COL22A1: variants seen among roughly 807,000 people sequenced by gnomAD.
COL22A1 encodes collagen alpha-1(XXII) chain.
COL22A1 carries 221 observed loss-of-function variants against 248.9 expected under a neutral mutation model. The observed-to-expected ratio is 0.89, with a 90% CI of 0.80 to 0.99. COL22A1 has a LOEUF of 0.99. Among genes scored for constraint, COL22A1 ranks in the 50% least tolerant of loss-of-function variants. The pLI, the probability that COL22A1 is intolerant of heterozygous loss-of-function variation, is 0.00. For missense variants in COL22A1, 2,240 were observed against 2,179.0 expected, an observed-to-expected ratio of 1.03 and a Z score of -0.56; for synonymous variants, 891 against 793.4, an observed-to-expected ratio of 1.12 and a Z score of -2.07.
intron 3 of COL22A1, among the ~76,000 whole-genome samples, chr8:138,873,693 C>T (rs572100034): frequency 7.9e-5 from 12 of 152,192 alleles, no homozygotes; most frequent in Non-Finnish European, 1.2e-4. Context: ...TTCACTACTG[C>T]GTCATGGGCA....
intron 1 of COL22A1, among the ~76,000 whole-genome samples, chr8:138,883,676 G>T (rs1230954738): frequency 6.6e-6 from 1 of 152,262 alleles, no homozygotes; most frequent in South Asian, 2.1e-4. Context: ...GTTCTCAGGA[G>T]ATCTGCTACT....
At position 138,755,463 on chromosome 8, in the gene COL22A1, A is replaced by C; in HGVS notation, c.1977+19T>G. On this transcript the variant is annotated intron_variant, in intron 20 of 64. Transcript: ENST00000303045. ...TGTGACCTAAATCCCCATGAGAAGA[A>C]GACGCGTGTGCCTCTTACCTGTTCC... The C allele has an allele frequency of 6.2e-7, 1 of 1,612,044 alleles. No individual in the cohort carries two copies. Among genetic ancestry groups the C allele is most frequent in the South Asian group, 1.1e-5 (1 of 91,046 alleles).
rs535442790 is a variant in COL22A1 at position 138,604,841 on chromosome 8, A to G, written c.4105-72T>C. The G allele has an allele frequency of 3.2e-6, 4 of 1,260,360 alleles. No homozygotes were observed. The South Asian group carries it at 5.0e-5, about 16-fold the overall frequency. The allele number at this position is 1,260,360 out of a possible 1,614,324, so 78.1% of individuals were successfully genotyped here. On this transcript the variant is annotated intron_variant, in intron 58 of 64. Transcript: ENST00000303045. ...TGTCAGTACTAAGACTGTCTTTAAAACTGACATTTCCACTCAAGTCATGTT... is the reference window on the plus strand; with the variant it reads ...TGTCAGTACTAAGACTGTCTTTAAAGCTGACATTTCCACTCAAGTCATGTT...
At chr8:138,775,140 C>G (rs1221881412) in intron 16 of COL22A1, among the ~76,000 whole-genome samples, 1 of 152,250 alleles carries the variant, frequency 6.6e-6, no homozygotes, top group Non-Finnish European at 1.5e-5. Context: ...CAAAGCATCT[C>G]AGACATGGGT....
chr8:138,732,839 C>A (rs1830810704), intron 23 of COL22A1, among the ~76,000 whole-genome samples: 1 of 152,118 alleles, frequency 6.6e-6, no homozygotes, highest in South Asian at 2.1e-4. Context: ...ACTAATTAAC[C>A]TAATTATCAT....
chr8:138,604,799 C>G, intron 58 of COL22A1, 30 bp from the exon 59 acceptor site: 1 of 1,583,604 alleles, frequency 6.3e-7, no homozygotes. Context: ...ATCAGTGGCT[C>G]TGCAGCATCA....
At chr8:138,648,191 C>T (rs1013136597) in intron 46 of COL22A1, among the ~76,000 whole-genome samples, 32 of 152,228 alleles carry the variant, frequency 2.1e-4, no homozygotes, top group African/African-American at 7.2e-4. Flanking sequence ...GCACTGGCCC[C>T]TGTTCCTTCC....
intron 4 of COL22A1, among the ~76,000 whole-genome samples, chr8:138,836,727 G>T (rs1343417556): frequency 6.6e-6 from 1 of 152,212 alleles, no homozygotes; most frequent in African/African-American, 2.4e-5. Flanking sequence ...ACCAAAAACT[G>T]TTGATCATAT....
At chr8:138,771,073 C>T (rs930766223) in intron 16 of COL22A1, among the ~76,000 whole-genome samples, 2 of 152,228 alleles carry the variant, frequency 1.3e-5, no homozygotes, top group Non-Finnish European at 2.9e-5. Flanking sequence ...GCTCGCAGAG[C>T]CCCGAGCTGG....
In COL22A1 at chr8:138,780,955, G is replaced by C. The variant is rs1240524670; in HGVS notation, c.1622C>G (p.Pro541Arg). The C allele has an allele frequency of 6.2e-7, 1 of 1,610,744 alleles. No individual in the cohort carries two copies. The highest frequency in any genetic ancestry group is 8.5e-7 in the Non-Finnish European group (1 of 1,178,438). ...EKGSLGLPGP[P>R]GRDGSKGMRG... ...CATGCCTTTGCTGCCGTCTCTCCCA[G>C]GGGGGCCGGGCAGGCCCAGGGAACC... The change falls in exon 13 of 65, where the codon CCT (proline) becomes CGT (arginine). Residue 541 changes from proline (P) to arginine (R), a missense_variant. Coordinates refer to ENST00000303045, the MANE Select transcript of COL22A1 (RefSeq NM_152888.3).
chr8:138,860,464 T>C (rs1460456007), intron 3 of COL22A1, among the ~76,000 whole-genome samples: 2 of 152,178 alleles, frequency 1.3e-5, no homozygotes, highest in East Asian at 3.9e-4. Context: ...TCTCAAGCTT[T>C]ATTTAAATTT....
Position 138,613,868 on chromosome 8 carries a change from G to C in COL22A1, c.3977C>G (p.Pro1326Arg), listed in dbSNP as rs202129460. Residue 1326 changes from proline (P) to arginine (R), a missense_variant and splice_region_variant, in exon 56 of 65, where the codon CCG (proline) becomes CGG (arginine). Pro to Arg is a moderately radical substitution (Grantham distance 103). Coordinates refer to ENST00000303045, the MANE Select transcript of COL22A1 (RefSeq NM_152888.3). The stretch of plus-strand genomic sequence containing the variant: ...CATTAGTCGCAAAGCAAAACTCACC[G>C]GTGGGCCCCTTGGTCCTTGGGGACC... ...PQGPQGPRGPPGKNGSPGSPG... is the reference protein window; with the variant it reads ...PQGPQGPRGPRGKNGSPGSPG... 6.2e-7 allele frequency: 1 copy of C among 1,613,522 alleles called. No homozygotes were observed. The highest frequency in any genetic ancestry group is 1.3e-5 in the African/African-American group (1 of 74,908).
intron 3 of COL22A1, among the ~76,000 whole-genome samples, chr8:138,859,138 A>G (rs1822256080): frequency 6.6e-6 from 1 of 152,188 alleles, no homozygotes; most frequent in African/African-American, 2.4e-5. Context: ...AAACAAGACA[A>G]GGTGTGATTT....
At chr8:138,897,544 T>C (rs1288029863) in intron 1 of COL22A1, among the ~76,000 whole-genome samples, 2 of 103,766 alleles carry the variant, frequency 1.9e-5, no homozygotes, top group East Asian at 6.7e-4. Context: ...CGAGACTCTG[T>C]CTCAAAGTAA....
intron 39 of COL22A1, among the ~76,000 whole-genome samples, chr8:138,680,691 G>A (rs868732240): frequency 6.6e-6 from 1 of 152,122 alleles, no homozygotes; most frequent in African/African-American, 2.4e-5. Flanking sequence ...CCTCTCCCTA[G>A]CTTCCCCTGC....
Position 138,813,026 on chromosome 8 carries a change from A to C in COL22A1, c.1246-7T>G, listed in dbSNP as rs373961690. On this transcript the variant is annotated splice_polypyrimidine_tract_variant and splice_region_variant and intron_variant, in intron 7 of 64. Coordinates refer to ENST00000303045, the MANE Select transcript of COL22A1 (RefSeq NM_152888.3). ...CAATCCGCTGTAGGTCAAACTGGAA[A>C]GGAAAGCAAGGAGAGAGGATAAGTT... 1.2e-6 allele frequency: 2 copies of C among 1,611,650 alleles called. No homozygotes were observed. The highest frequency in any genetic ancestry group is 1.1e-5 in the South Asian group (1 of 91,026).
intron 30 of COL22A1, among the ~76,000 whole-genome samples, chr8:138,709,808 T>C (rs1223889267): frequency 6.6e-6 from 1 of 152,170 alleles, no homozygotes; most frequent in East Asian, 1.9e-4. Flanking sequence ...TAAAGTTATT[T>C]CTTATCCATC....
At chr8:138,888,217 T>TC (rs1824808832) in intron 1 of COL22A1, among the ~76,000 whole-genome samples, 1 of 152,100 alleles carries the variant, frequency 6.6e-6, no homozygotes, top group African/African-American at 2.4e-5. Context: ...AATGACCCTG[T>TC]GACACAGGTA....
chr8:138,844,568 G>A (rs1821100559), intron 3 of COL22A1, among the ~76,000 whole-genome samples: 1 of 152,194 alleles, frequency 6.6e-6, no homozygotes, highest in Non-Finnish European at 1.5e-5. Flanking sequence ...AAGCTTTCCT[G>A]GAAAGATTCT....
Sources: gnomAD v4.1 joint callset for allele counts (sites outside exome capture counted in the v4.1 genomes callset) on GRCh38, gnomAD v4.1.1 for gene constraint, MANE v1.5 for transcripts, NCBI Gene and HGNC (gene_info 2026-07-23, HGNC 2026-07-21) for gene names.